Variants in ZNF713 observed in about 807,000 individuals in gnomAD.
The protein encoded by ZNF713 is zinc finger protein 713.
In ZNF713, 21 loss-of-function variants were observed where a neutral mutation model predicts 28.7. The observed-to-expected ratio is 0.73, with a 90% CI of 0.52 to 1.05. ZNF713 has a LOEUF of 1.05. Among genes scored for constraint, ZNF713 ranks in the 50% least tolerant of loss-of-function variants. The pLI is 0.00. For synonymous variants in ZNF713, 167 were observed against 178.0 expected (o/e 0.94, Z 0.49); for missense variants, 458 against 532.4 (o/e 0.86, Z 1.37).
intron 1 of ZNF713, among the ~76,000 whole-genome samples, chr7:55,893,420 G>A (rs1785423171): frequency 6.6e-6 from 1 of 152,090 alleles, no homozygotes. Flanking sequence ...CCAGTGTGGG[G>A]TAAGACCACT....
In ZNF713 at chr7:55,923,300, A is replaced by T. The variant is rs1786029749; in HGVS notation, c.214+12A>T. 2 of 1,598,424 alleles carry T rather than the reference A, an allele frequency of 1.3e-6. No individual in the cohort carries two copies. The highest frequency in any genetic ancestry group is 1.7e-6 in the Non-Finnish European group (2 of 1,175,428). ...TCTAGTTGCACTGGGTGAGGATGGC[A>T]TCCCTGTGAAACCGGAAGCCGTTCA... On this transcript the variant is annotated intron_variant, in intron 5 of 6. Transcript: ENST00000429591.
chr7:55,923,366 T>C (rs1786031165), intron 5 of ZNF713, 78 bp downstream of exon 5: 3 of 1,524,588 alleles, frequency 2.0e-6, no homozygotes, highest in South Asian at 1.3e-5. Flanking sequence ...CTGCAAAGTT[T>C]TTGTGAATAT....
intron 6 of ZNF713, among the ~76,000 whole-genome samples, chr7:55,931,515 A>G (rs1236458757): frequency 1.3e-5 from 2 of 152,004 alleles, no homozygotes; most frequent in African/African-American, 2.4e-5. Context: ...TATTTTTTCA[A>G]AAAAATTGTT....
At chr7:55,912,827 C>A in intron 4 of ZNF713, 104 bp downstream of exon 4, 1 of 866,476 alleles carries the variant, frequency 1.2e-6, no homozygotes, top group Non-Finnish European at 1.9e-6. Flanking sequence ...ATCCAGAGCC[C>A]AGGAGATTCA....
chr7:55,914,955 A>G (rs922300755), intron 4 of ZNF713, among the ~76,000 whole-genome samples: 11 of 152,162 alleles, frequency 7.2e-5, no homozygotes, highest in African/African-American at 2.4e-4. Context: ...CCCGGGTTCA[A>G]GTGATTCTCC....
chr7:55,894,359 T>C (rs1584295066), intron 1 of ZNF713, among the ~76,000 whole-genome samples: 1 of 152,270 alleles, frequency 6.6e-6, no homozygotes, highest in East Asian at 1.9e-4. Flanking sequence ...AAAGACCTCT[T>C]GCAAATCAAG....
chr7:55,930,956 A>T (rs1259575769), intron 6 of ZNF713, among the ~76,000 whole-genome samples: 2 of 152,102 alleles, frequency 1.3e-5, no homozygotes, highest in Non-Finnish European at 2.9e-5. Context: ...TAAAAAATGC[A>T]TTTTTCTTGC....
At chr7:55,914,466 A>T (rs561915871) in intron 4 of ZNF713, among the ~76,000 whole-genome samples, 1 of 152,106 alleles carries the variant, frequency 6.6e-6, no homozygotes, top group Non-Finnish European at 1.5e-5. Context: ...AAGTGCTGGG[A>T]TTGCAGGTGT....
At chr7:55,922,952 C>T (rs1408738137) in intron 4 of ZNF713, among the ~76,000 whole-genome samples, 2 of 152,068 alleles carry the variant, frequency 1.3e-5, no homozygotes, top group Admixed American at 6.6e-5. Flanking sequence ...AACACTTAAA[C>T]GCAGAAATTA....
intron 4 of ZNF713, among the ~76,000 whole-genome samples, chr7:55,920,595 C>T (rs541491075): frequency 2.2e-4 from 34 of 152,208 alleles, no homozygotes; most frequent in Admixed American, 1.5e-3. Flanking sequence ...GAAGCTGTCT[C>T]GATAACATAA....
At chr7:55,910,126 G>T (rs1308721391) in intron 2 of ZNF713, among the ~76,000 whole-genome samples, 1 of 151,886 alleles carries the variant, frequency 6.6e-6, no homozygotes, top group Non-Finnish European at 1.5e-5. Context: ...CTCCCAAAAT[G>T]CTGGGATTAT....
At chr7:55,915,110 C>T (rs1464978485) in intron 4 of ZNF713, among the ~76,000 whole-genome samples, 1 of 152,220 alleles carries the variant, frequency 6.6e-6, no homozygotes, top group Admixed American at 6.5e-5. Flanking sequence ...GGATTATAGG[C>T]GTGAGCCGCC....
In ZNF713 at chr7:55,940,576, A is replaced by T. The variant is rs1011785122; in HGVS notation, c.*570A>T. 65 of 979,092 alleles carry T rather than the reference A, an allele frequency of 6.6e-5. No individual in the cohort carries two copies. Among genetic ancestry groups the T allele is most frequent in the African/African-American group, 8.7e-5 (5 of 57,202 alleles). The allele number at this position is 979,092 out of a possible 1,614,324, so 60.7% of individuals were successfully genotyped here. A position where few individuals can be genotyped will look rare whatever the true frequency, so the allele number is the denominator to read the frequency against. On this transcript the variant is annotated 3_prime_UTR_variant, in exon 7 of 7. Coordinates refer to ENST00000429591, the MANE Select transcript of ZNF713 (RefSeq NM_182633.3). ...TTCCAAATCTGATATAAAACTTTTT[A>T]AAAAATCAGAAGTCCTTATCCAGGC... is the stretch of plus-strand genomic sequence containing the variant.
At chr7:55,919,506 T>TTTTTTTTTTTTTTTTTTTTTTTTTTTTG (rs1785949156) in intron 4 of ZNF713, among the ~76,000 whole-genome samples, 2 of 63,106 alleles carry the variant, frequency 3.2e-5, no homozygotes, top group Non-Finnish European at 5.7e-5. Flanking sequence ...TTTTTTTTTT[T>TTTTTTTTTTTTTTTTTTTTTTTTTTTTG]TTTTTTTTTT....
chr7:55,923,538 G>T, intron 5 of ZNF713, 69 bp from the exon 6 acceptor site: 1 of 1,377,202 alleles, frequency 7.3e-7, no homozygotes, highest in Non-Finnish European at 1.0e-6. Context: ...GATTGAAAAG[G>T]TTGGGAGTGT....
chr7:55,936,048 T>C (rs1584320867), intron 6 of ZNF713, among the ~76,000 whole-genome samples: 1 of 151,930 alleles, frequency 6.6e-6, no homozygotes, highest in African/African-American at 2.4e-5. Flanking sequence ...GTGGATCATT[T>C]GAGGTCAAGA....
At chr7:55,915,409 G>A (rs1423775814) in intron 4 of ZNF713, among the ~76,000 whole-genome samples, 1 of 151,964 alleles carries the variant, frequency 6.6e-6, no homozygotes, top group East Asian at 1.9e-4. Flanking sequence ...TTATCAGCTA[G>A]ACATCACTGA....
chr7:55,905,017 GC>G (rs1785654135), intron 1 of ZNF713, among the ~76,000 whole-genome samples: 1 of 152,162 alleles, frequency 6.6e-6, no homozygotes, highest in East Asian at 1.9e-4. Flanking sequence ...GAGCCACCAT[GC>G]CCAGCCTAAT....
intron 3 of ZNF713, among the ~76,000 whole-genome samples, 174 bp from the exon 4 acceptor site, chr7:55,912,461 C>T (rs1006700836): frequency 6.6e-6 from 1 of 152,218 alleles, no homozygotes; most frequent in Non-Finnish European, 1.5e-5. Context: ...GACAGTTCTG[C>T]ATTGAATTCC....
Sources: gnomAD v4.1 joint callset for allele counts (sites outside exome capture counted in the v4.1 genomes callset) on GRCh38, gnomAD v4.1.1 for gene constraint, MANE v1.5 for transcripts, NCBI Gene and HGNC (gene_info 2026-07-23, HGNC 2026-07-21) for gene names.